The following TRIM37 variants were observed in gnomAD, a reference collection of about 807,000 sequenced individuals.
TRIM37 encodes E3 ubiquitin-protein ligase TRIM37.
In TRIM37, 80 loss-of-function variants were observed where a neutral mutation model predicts 129.8. The ratio of observed to expected loss-of-function variants is 0.62; its 90% CI spans 0.51 to 0.74. The LOEUF (loss-of-function observed/expected upper bound fraction) is 0.74. Among genes scored for constraint, TRIM37 ranks in the 30% least tolerant of loss-of-function variants. The pLI is 0.00. For missense variants in TRIM37, 1,054 were observed against 1,176.5 expected (o/e 0.90, Z 1.52); for synonymous variants, 389 against 387.1 (o/e 1.00, Z -0.06).
intron 17 of TRIM37, among the ~76,000 whole-genome samples, chr17:59,033,942 A>G (rs1220127246): frequency 6.6e-6 from 1 of 151,710 alleles, no homozygotes; most frequent in Non-Finnish European, 1.5e-5. Flanking sequence ...ACATGGTGAA[A>G]CCAAAATACA....
At chr17:59,042,771 C>T (rs2039395178) in intron 16 of TRIM37, among the ~76,000 whole-genome samples, 1 of 149,738 alleles carries the variant, frequency 6.7e-6, no homozygotes, top group South Asian at 2.1e-4. Flanking sequence ...TCAAGGAGGA[C>T]AGGACAGGAC....
intron 9 of TRIM37, among the ~76,000 whole-genome samples, chr17:59,070,349 T>C (rs2042259262): frequency 6.6e-6 from 1 of 152,232 alleles, no homozygotes; most frequent in African/African-American, 2.4e-5. Flanking sequence ...TTCTGAGTTT[T>C]GTGTTAGGAG....
At chr17:59,044,057 A>T (rs1193797176) in intron 16 of TRIM37, among the ~76,000 whole-genome samples, 1 of 152,098 alleles carries the variant, frequency 6.6e-6, no homozygotes, top group South Asian at 2.1e-4. Flanking sequence ...CACTTTGGGA[A>T]GCCGAGGCTG....
chr17:59,017,439 A>G lies in TRIM37; in HGVS notation c.2258-15T>C. On this transcript the variant is annotated splice_polypyrimidine_tract_variant and intron_variant, in intron 19 of 23. Transcript: ENST00000262294. Reference sequence around the variant, plus strand: ...CTTATTTGTGGCTGCAAAGACATTTAAGAACACCTCTGAATAGGCTACTAC... The same window carrying G: ...CTTATTTGTGGCTGCAAAGACATTTGAGAACACCTCTGAATAGGCTACTAC... 6.2e-7 allele frequency: 1 copy of G among 1,613,776 alleles called. No individual in the cohort carries two copies. The highest frequency in any genetic ancestry group is 8.5e-7 in the Non-Finnish European group (1 of 1,179,742).
chr17:59,004,841 T>C (rs2034260340), intron 22 of TRIM37, among the ~76,000 whole-genome samples: 1 of 152,218 alleles, frequency 6.6e-6, no homozygotes, highest in Non-Finnish European at 1.5e-5. Context: ...TGGTACACTC[T>C]TCCTTTTCTC....
chr17:58,984,322 C>T (rs953818469), intron 24 of TRIM37: 4 of 152,656 alleles, frequency 2.6e-5, no homozygotes, highest in South Asian at 2.1e-4. Flanking sequence ...AGAAGTGCAA[C>T]ATCCAGTGGG....
intron 13 of TRIM37, among the ~76,000 whole-genome samples, chr17:59,054,703 C>T (rs1219544208): frequency 3.3e-5 from 5 of 152,008 alleles, no homozygotes; most frequent in Admixed American, 6.6e-5. Flanking sequence ...CTTGCTATGT[C>T]GCCCAGGCTG....
rs1278746301 is a variant in TRIM37 at position 58,998,351 on chromosome 17, A to G, written c.*1026T>C. The G allele has an allele frequency of 2.0e-6, 2 of 985,290 alleles. No individual in the cohort carries two copies. Among genetic ancestry groups the G allele is most frequent in the Admixed American group, 6.1e-5 (1 of 16,264 alleles). 61.0% of individuals were successfully genotyped at this position (985,290 alleles called of 1,614,324 possible). A position where few individuals can be genotyped will look rare whatever the true frequency, so the allele number is the denominator to read the frequency against. On this transcript the variant is annotated 3_prime_UTR_variant, in exon 24 of 24. Transcript: ENST00000262294. Reference sequence around the variant, plus strand: ...AGCAGATGAGATGTCTCTCACATGTATATTTAATTATTCATGCTTTTTCAA... The same window carrying G: ...AGCAGATGAGATGTCTCTCACATGTGTATTTAATTATTCATGCTTTTTCAA...
chr17:59,017,819 T>C (rs2145159361), intron 19 of TRIM37, among the ~76,000 whole-genome samples: 1 of 152,100 alleles, frequency 6.6e-6, no homozygotes, highest in Admixed American at 6.6e-5. Flanking sequence ...GAGACGGGGT[T>C]TTGTCATGTT....
intron 9 of TRIM37, among the ~76,000 whole-genome samples, chr17:59,068,159 G>C (rs750802879): frequency 3.3e-5 from 5 of 152,200 alleles, no homozygotes; most frequent in Non-Finnish European, 5.9e-5. Context: ...AGCATTACTG[G>C]AGAAAGAGAG....
At chr17:59,105,778 C>A (rs750137948) in intron 1 of TRIM37, among the ~76,000 whole-genome samples, 22 of 152,044 alleles carry the variant, frequency 1.4e-4, no homozygotes, top group Non-Finnish European at 3.1e-4. Context: ...ACATAGTTAC[C>A]CCTTACTAAA....
intron 19 of TRIM37, among the ~76,000 whole-genome samples, chr17:59,025,446 G>C (rs865863048): frequency 1.1e-4 from 17 of 151,044 alleles, no homozygotes; most frequent in Middle Eastern, 3.5e-3. Context: ...AATATTCATG[G>C]ATGAATATTA....
chr17:59,020,488 CTG>C (rs2036485231), intron 19 of TRIM37, among the ~76,000 whole-genome samples: 1 of 151,724 alleles, frequency 6.6e-6, no homozygotes, highest in African/African-American at 2.4e-5. Flanking sequence ...GAATAAATGA[CTG>C]TATATCAATA....
intron 2 of TRIM37, among the ~76,000 whole-genome samples, chr17:59,103,635 C>G (rs144783389): frequency 0.01 from 1,507 of 150,032 alleles, 25 homozygotes; most frequent in African/African-American, 0.035. Context: ...CCACCGCGCT[C>G]AGGCCAACAT....
At chr17:59,075,529 AC>A in intron 8 of TRIM37, 117 bp downstream of exon 8, 1 of 701,224 alleles carries the variant, frequency 1.4e-6, no homozygotes, top group Non-Finnish European at 2.3e-6. Context: ...GCGCCACTGC[AC>A]TCCAGCCTGG....
At chr17:59,041,446 A>C (rs1451552977) in intron 17 of TRIM37, among the ~76,000 whole-genome samples, 1 of 152,248 alleles carries the variant, frequency 6.6e-6, no homozygotes, top group African/African-American at 2.4e-5. Flanking sequence ...AGAATAGTAT[A>C]AAATATGAGC....
rs1315051443 is a variant in TRIM37, at chr17:58,999,479, A to T, written c.2813-20T>A. The T allele has an allele frequency of 1.9e-6, 3 of 1,580,272 alleles. No homozygotes were observed. Among genetic ancestry groups the T allele is most frequent in the African/African-American group, 1.4e-5 (1 of 73,314 alleles). ...GTGTATCTATGATTAAAAAATAAAT[A>T]AAAAATTTAAAATTTAAAAGCATAT... On this transcript the variant is annotated intron_variant, in intron 23 of 23. Transcript: ENST00000262294.
At chr17:58,988,957 A>G (rs921637831) in intron 24 of TRIM37, among the ~76,000 whole-genome samples, 2 of 152,348 alleles carry the variant, frequency 1.3e-5, no homozygotes, top group African/African-American at 4.8e-5. Context: ...TAATATATTA[A>G]TTCAACCTCT....
chr17:59,101,805 G>A (rs2045537930), intron 2 of TRIM37, among the ~76,000 whole-genome samples: 1 of 148,490 alleles, frequency 6.7e-6, no homozygotes, highest in Admixed American at 6.8e-5. Flanking sequence ...CGGGCATCAT[G>A]GAGTGCGCTG....
Sources: allele counts gnomAD v4.1 joint callset (sites outside exome capture counted in the v4.1 genomes callset), GRCh38; gene constraint gnomAD v4.1.1; transcripts MANE v1.5; gene names NCBI Gene and HGNC (gene_info 2026-07-23, HGNC 2026-07-21).